The following RIMS2 variants were observed in gnomAD, a reference collection of about 807,000 sequenced individuals.
RIMS2 encodes the protein regulating synaptic membrane exocytosis protein 2.
RIMS2 carries 59 observed loss-of-function variants against 174.4 expected under a neutral mutation model. The observed-to-expected ratio is 0.34, with a 90% confidence interval of 0.27 to 0.42. RIMS2 has a LOEUF of 0.42. Among genes scored for constraint, RIMS2 ranks in the 10% least tolerant of loss-of-function variants. RIMS2 has a pLI of 1.00. For synonymous variants in RIMS2, 606 were observed against 572.5 expected (o/e 1.06, Z -0.84); for missense variants, 1,620 against 1,666.3 (o/e 0.97, Z 0.48).
At chr8:103,658,539 T>A (rs557462340) in intron 1 of RIMS2, among the ~76,000 whole-genome samples, 2 of 152,336 alleles carry the variant, frequency 1.3e-5, no homozygotes, top group South Asian at 4.1e-4. Flanking sequence ...CATTAGCTGT[T>A]TTTTTCCAAA....
intron 1 of RIMS2, among the ~76,000 whole-genome samples, chr8:103,559,721 A>G (rs2091273691): frequency 6.6e-6 from 1 of 152,178 alleles, no homozygotes; most frequent in South Asian, 2.1e-4. Context: ...ATTATCAAAA[A>G]CCATGAAATG....
At chr8:104,231,525 A>T (rs2028944) in intron 19 of RIMS2, among the ~76,000 whole-genome samples, 60,993 of 151,958 alleles carry the variant, frequency 0.4, 12,703 homozygotes, top group East Asian at 0.63. Context: ...CTCATATTCC[A>T]TCTACTGTAT....
chr8:103,991,921 CT>C (rs1458912901), intron 17 of RIMS2, among the ~76,000 whole-genome samples: 10 of 152,016 alleles, frequency 6.6e-5, no homozygotes, highest in Admixed American at 6.5e-4. Context: ...CTCGTATCAA[CT>C]TTATTGAGTT....
In RIMS2 at chr8:103,922,687, A is replaced by C. The variant is rs987810999; in HGVS notation, c.2196+903A>C. On this transcript the variant is annotated intron_variant, in intron 10 of 23. Transcript: ENST00000504942. ...TATTTGAGGCTGATATTTTAAGCCC[A>C]AAAAAGATAGCTTTTTGTTAAATTA... 19 of 360,406 alleles carry C rather than the reference A, an allele frequency of 5.3e-5. 1 individual carries two copies. Among genetic ancestry groups the C allele is most frequent in the Non-Finnish European group, 8.4e-5 (15 of 178,138 alleles). 22.3% of individuals were successfully genotyped at this position (360,406 alleles called of 1,614,324 possible). A position where few individuals can be genotyped will look rare whatever the true frequency, so the allele number is the denominator to read the frequency against.
chr8:103,843,638 A>G (rs925155563), intron 3 of RIMS2, among the ~76,000 whole-genome samples: 1 of 152,174 alleles, frequency 6.6e-6, no homozygotes. Flanking sequence ...CTTCTTTTGA[A>G]GGCACACTAT....
At chr8:104,233,285 T>C (rs532114101) in intron 19 of RIMS2, among the ~76,000 whole-genome samples, 1 of 152,286 alleles carries the variant, frequency 6.6e-6, no homozygotes, top group Admixed American at 6.5e-5. Flanking sequence ...GAGCAATGTG[T>C]AGTCCTCTCA....
intron 14 of RIMS2, among the ~76,000 whole-genome samples, chr8:103,957,483 C>T (rs2087806881): frequency 6.6e-6 from 1 of 152,168 alleles, no homozygotes; most frequent in Non-Finnish European, 1.5e-5. Flanking sequence ...TGGAAACCAT[C>T]ATTCTCAGTA....
At chr8:104,185,866 A>G (rs1183834013) in intron 19 of RIMS2, among the ~76,000 whole-genome samples, 3 of 151,712 alleles carry the variant, frequency 2.0e-5, no homozygotes, top group Non-Finnish European at 3.0e-5. Flanking sequence ...CAATCCAGCA[A>G]TCTCACTTCT....
rs1456425520 is a variant in RIMS2, at chr8:104,088,311, GTTAT to G, written c.3334+73700_3334+73703del. ...AAACAGGATGACGAAAATGCACATG[GTTAT>G]TTAATGACTGCAGTGCCAGAATTCC... On this transcript the variant is annotated intron_variant, in intron 19 of 23. Transcript: ENST00000504942. Among the ~76,000 whole-genome samples the G allele has an allele frequency of 2.0e-5, 3 of 151,912 alleles. No individual in the cohort carries two copies. The East Asian group carries it at 5.8e-4, about 29-fold the overall frequency.
rs150547302 is a variant in RIMS2 at position 104,175,196 on chromosome 8, A to G, written c.3335-69720A>G. ...TGCTAAAATATAATTGTTTTAGCAT[A>G]AAAACTTTCCAACAAGTTTTTTTTT... On this transcript the variant is annotated intron_variant, in intron 19 of 23. Transcript: ENST00000504942. 4.7e-3 allele frequency among the ~76,000 whole-genome samples: 710 copies of G among 152,310 alleles called. 8 individuals are homozygous for G. Among genetic ancestry groups the G allele is most frequent in the African/African-American group, 0.016 (680 of 41,576 alleles).
At chr8:103,942,862 C>G in exon 14 of RIMS2, 1 of 1,613,516 alleles carries the variant, frequency 6.2e-7, no homozygotes. Context: ...TGCCACTTCC[C>G]CACCCTTCTC....
chr8:103,781,948 A>G (rs1258773547), intron 3 of RIMS2, among the ~76,000 whole-genome samples: 1 of 151,762 alleles, frequency 6.6e-6, no homozygotes, highest in East Asian at 1.9e-4. Flanking sequence ...GGGTTTCACC[A>G]TGTTGGTCAG....
intron 20 of RIMS2, among the ~76,000 whole-genome samples, chr8:104,245,918 T>C (rs2099328365): frequency 6.6e-6 from 1 of 152,316 alleles, no homozygotes; most frequent in East Asian, 1.9e-4. Context: ...TTGGGATACT[T>C]ATAGAAACAA....
intron 3 of RIMS2, among the ~76,000 whole-genome samples, chr8:103,808,716 A>T (rs1335056145): frequency 1.3e-5 from 2 of 152,148 alleles, no homozygotes; most frequent in Non-Finnish European, 2.9e-5. Flanking sequence ...CTTGACTGTG[A>T]CCAATCAACG....
chr8:103,796,256 C>T (rs181964826), intron 3 of RIMS2, among the ~76,000 whole-genome samples: 1 of 152,060 alleles, frequency 6.6e-6, no homozygotes, highest in Non-Finnish European at 1.5e-5. Context: ...TCATTTTGGA[C>T]TTAAAGTTCA....
chr8:103,922,923 A>C (rs1044397017), intron 10 of RIMS2, among the ~76,000 whole-genome samples: 8 of 152,010 alleles, frequency 5.3e-5, no homozygotes, highest in Admixed American at 4.6e-4. Context: ...CAGAAAAGTT[A>C]TGTAAGGAAT....
chr8:104,213,888 A>AAAGAAGAAGAAGAAG (rs762065499), intron 19 of RIMS2, among the ~76,000 whole-genome samples: 39 of 148,184 alleles, frequency 2.6e-4, no homozygotes, highest in African/African-American at 9.7e-4. Flanking sequence ...AAAAAAAAAA[A>AAAGAAGAAGAAGAAG]AAGAAGAAGA....
At chr8:104,220,291 A>T (rs181133756) in intron 19 of RIMS2, among the ~76,000 whole-genome samples, 1 of 68,410 alleles carries the variant, frequency 1.5e-5, no homozygotes, top group African/African-American at 7.3e-5. Context: ...AAAAATATCA[A>T]AAAAGCTTCC....
chr8:104,207,287 A>C (rs1239148041), intron 19 of RIMS2, among the ~76,000 whole-genome samples: 1 of 152,172 alleles, frequency 6.6e-6, no homozygotes, highest in Non-Finnish European at 1.5e-5. Flanking sequence ...TAGAGACTGG[A>C]AGATTTTATT....
Sources: gnomAD v4.1 joint callset for allele counts (sites outside exome capture counted in the v4.1 genomes callset) on GRCh38, gnomAD v4.1.1 for gene constraint, MANE v1.5 for transcripts, NCBI Gene and HGNC (gene_info 2026-07-23, HGNC 2026-07-21) for gene names.